The following CNTNAP2 variants were observed in gnomAD, a reference collection of about 807,000 sequenced individuals.
CNTNAP2 encodes contactin associated protein 2, also known as contactin-associated protein-like 2.
A neutral mutation model predicts 155.2 loss-of-function variants in CNTNAP2; 98 were observed. That is an observed-to-expected ratio of 0.63 (90% CI 0.54 to 0.75). The LOEUF (loss-of-function observed/expected upper bound fraction) is 0.75. Ranked by LOEUF, CNTNAP2 falls within the 30% of genes least tolerant of loss-of-function variation. The probability of loss-of-function intolerance (pLI) is 0.00; values close to 1 mark genes in which losing one functional copy is unlikely to be tolerated. For missense variants in CNTNAP2, 1,727 were observed against 1,688.1 expected (o/e 1.02, Z -0.40); for synonymous variants, 651 against 631.2 (o/e 1.03, Z -0.47).
chr7:147,983,521 C>T (rs1289043614), intron 15 of CNTNAP2, among the ~76,000 whole-genome samples: 1 of 152,068 alleles, frequency 6.6e-6, no homozygotes, highest in Non-Finnish European at 1.5e-5. Flanking sequence ...GATGAGTGGC[C>T]ATGGCCCAAG....
intron 1 of CNTNAP2, among the ~76,000 whole-genome samples, chr7:146,590,301 G>T (rs544167292): frequency 6.6e-6 from 1 of 152,164 alleles, no homozygotes; most frequent in Admixed American, 6.5e-5. Flanking sequence ...AGGAATGTCT[G>T]CTCTAATATG....
intron 18 of CNTNAP2, among the ~76,000 whole-genome samples, chr7:148,200,812 A>C (rs544401117): frequency 1.3e-5 from 2 of 152,338 alleles, no homozygotes; most frequent in East Asian, 3.9e-4. Context: ...GTGTGACTGC[A>C]GGCAGGTTGT....
chr7:147,403,005 A>G (rs1796944579), intron 10 of CNTNAP2, among the ~76,000 whole-genome samples: 1 of 151,832 alleles, frequency 6.6e-6, no homozygotes. Flanking sequence ...ACAAACATCA[A>G]CACAGAGACC....
chr7:146,728,879 C>G (rs1801477629), intron 1 of CNTNAP2, among the ~76,000 whole-genome samples: 1 of 152,040 alleles, frequency 6.6e-6, no homozygotes, highest in African/African-American at 2.4e-5. Flanking sequence ...CCTCTTAGTG[C>G]CAGGTCGTCG....
intron 1 of CNTNAP2, among the ~76,000 whole-genome samples, chr7:146,519,994 T>C (rs1296914461): frequency 6.6e-6 from 1 of 151,740 alleles, no homozygotes; most frequent in Non-Finnish European, 1.5e-5. Context: ...ACAGAATGAA[T>C]GAATAAAGTA....
At chr7:147,615,876 ACT>A (rs1241665395) in intron 12 of CNTNAP2, among the ~76,000 whole-genome samples, 1 of 151,766 alleles carries the variant, frequency 6.6e-6, no homozygotes, top group East Asian at 1.9e-4. Context: ...TCCGTTGATG[ACT>A]CTCTTTCTGT....
At chr7:147,354,231 AT>A (rs1237377928) in intron 9 of CNTNAP2, among the ~76,000 whole-genome samples, 1 of 152,028 alleles carries the variant, frequency 6.6e-6, no homozygotes, top group Non-Finnish European at 1.5e-5. Flanking sequence ...ACTAAATGGT[AT>A]TTCCTAGGTT....
rs548962179 is a variant in CNTNAP2 at position 147,536,900 on chromosome 7, C to A, written c.1778-25238C>A. On this transcript the variant is annotated intron_variant, in intron 11 of 23. Transcript: ENST00000361727. ...GGCCGTAAAGCCTCCCCTCTCACCA[C>A]GCCACCTCTTCTAAAGTCACATAAA... Among the ~76,000 whole-genome samples, 55 of 152,272 alleles carry A rather than the reference C, an allele frequency of 3.6e-4. 2 individuals carry two copies. The South Asian group carries it at 0.011, about 30-fold the overall frequency.
chr7:147,553,779 T>C (rs1799897376), intron 11 of CNTNAP2, among the ~76,000 whole-genome samples: 1 of 152,078 alleles, frequency 6.6e-6, no homozygotes, highest in South Asian at 2.1e-4. Context: ...GAGACCAGTC[T>C]GGCCAACATG....
At chr7:147,792,429 C>T (rs1209452678) in intron 13 of CNTNAP2, among the ~76,000 whole-genome samples, 1 of 151,990 alleles carries the variant, frequency 6.6e-6, no homozygotes, top group Non-Finnish European at 1.5e-5. Flanking sequence ...GGAATCATTG[C>T]AATATGTGGC....
chr7:148,201,816 T>TA (rs931645967), intron 18 of CNTNAP2, among the ~76,000 whole-genome samples: 9 of 151,756 alleles, frequency 5.9e-5, no homozygotes, highest in East Asian at 1.9e-4. Context: ...CTTGAACTAT[T>TA]AAAAAAAATA....
At chr7:146,355,843 C>CT (rs1444841363) in intron 1 of CNTNAP2, among the ~76,000 whole-genome samples, 4 of 151,998 alleles carry the variant, frequency 2.6e-5, no homozygotes, top group African/African-American at 9.7e-5. Flanking sequence ...ACTTTTCATA[C>CT]TTTTTTTCCA....
At position 146,316,001 on chromosome 7, in the gene CNTNAP2, G is replaced by A. The variant is rs1484653466; in HGVS notation, c.97+199028G>A. On this transcript the variant is annotated intron_variant, in intron 1 of 23. Coordinates refer to ENST00000361727, the MANE Select transcript of CNTNAP2 (RefSeq NM_014141.6). Reference sequence around the variant, plus strand: ...AACTGCTTATTTCTTTCAGTTTTTTGAAACAAATCAAGTAAACTATACACA... The same window carrying A: ...AACTGCTTATTTCTTTCAGTTTTTTAAAACAAATCAAGTAAACTATACACA... Among the ~76,000 whole-genome samples the A allele has an allele frequency of 2.4e-4, 36 of 151,996 alleles. 2 individuals carry two copies. Among genetic ancestry groups the A allele is most frequent in the Non-Finnish European group, 7.4e-5 (5 of 67,976 alleles).
intron 9 of CNTNAP2, among the ~76,000 whole-genome samples, chr7:147,311,322 G>A (rs560630947): frequency 6.6e-6 from 1 of 152,290 alleles, no homozygotes; most frequent in East Asian, 1.9e-4. Flanking sequence ...AGAGGTTAAA[G>A]AGGAGCTCTG....
chr7:147,721,781 A>G (rs576216253), intron 13 of CNTNAP2, among the ~76,000 whole-genome samples: 1 of 152,228 alleles, frequency 6.6e-6, no homozygotes, highest in African/African-American at 2.4e-5. Context: ...GCCCTATTAA[A>G]TTGGCTGCAT....
intron 9 of CNTNAP2, among the ~76,000 whole-genome samples, chr7:147,344,668 G>T (rs1288197829): frequency 6.6e-6 from 1 of 152,168 alleles, no homozygotes; most frequent in African/African-American, 2.4e-5. Context: ...CACTTTATGA[G>T]ACAATTTTGA....
chr7:148,239,532 A>T (rs1204729867), intron 20 of CNTNAP2, among the ~76,000 whole-genome samples: 1 of 152,178 alleles, frequency 6.6e-6, no homozygotes, highest in African/African-American at 2.4e-5. Flanking sequence ...TGAGAGACAC[A>T]TCAAAAACCT....
chr7:147,310,822 T>C (rs1004297450), intron 9 of CNTNAP2, among the ~76,000 whole-genome samples: 2 of 152,122 alleles, frequency 1.3e-5, no homozygotes, highest in African/African-American at 4.8e-5. Flanking sequence ...TGCAATATAA[T>C]TTTGCAGCGA....
intron 13 of CNTNAP2, among the ~76,000 whole-genome samples, chr7:147,661,894 C>G (rs561412973): frequency 6.6e-6 from 1 of 152,206 alleles, no homozygotes; most frequent in East Asian, 1.9e-4. Context: ...CAGCCTGCAC[C>G]ATGACGTAGC....
Sources: allele counts gnomAD v4.1 joint callset (sites outside exome capture counted in the v4.1 genomes callset), GRCh38; gene constraint gnomAD v4.1.1; transcripts MANE v1.5; gene names NCBI Gene and HGNC (gene_info 2026-07-23, HGNC 2026-07-21).